MYO1H: variants seen among roughly 807,000 people sequenced by gnomAD.
MYO1H encodes myosin IH, also known as unconventional myosin-Ih.
In MYO1H, 118 loss-of-function variants were observed where a neutral mutation model predicts 149.3. That is an observed-to-expected ratio of 0.79 (90% CI 0.68 to 0.92). The LOEUF (loss-of-function observed/expected upper bound fraction) is 0.92. Ranked by LOEUF, MYO1H falls within the 40% of genes least tolerant of loss-of-function variation. The pLI is 0.00. For missense variants in MYO1H, 1,212 were observed against 1,280.7 expected (o/e 0.95, Z 0.82); for synonymous variants, 447 against 465.2 (o/e 0.96, Z 0.50).
At chr12:109,389,598 T>G (rs1251748836) in intron 2 of MYO1H, among the ~76,000 whole-genome samples, 1 of 152,198 alleles carries the variant, frequency 6.6e-6, no homozygotes, top group Admixed American at 6.5e-5. Flanking sequence ...CAGATTGATC[T>G]TGTCACATCT....
intron 24 of MYO1H, 68 bp downstream of exon 24, chr12:109,439,858 T>C (rs1256350506): frequency 3.5e-6 from 5 of 1,424,908 alleles, no homozygotes; most frequent in Non-Finnish European, 3.9e-6. Flanking sequence ...AACTCTTGCA[T>C]GTCTTTGTGC....
upstream of MYO1H, among the ~76,000 whole-genome samples, chr12:109,344,763 G>A (rs112067500): frequency 2.6e-5 from 4 of 152,118 alleles, no homozygotes; most frequent in South Asian, 2.1e-4. Context: ...TGTGAGGTAC[G>A]GCCATAAAGA....
intron 13 of MYO1H, among the ~76,000 whole-genome samples, chr12:109,411,052 G>C (rs1022766772): frequency 6.6e-6 from 1 of 152,174 alleles, no homozygotes; most frequent in African/African-American, 2.4e-5. Context: ...TGAAACAGGA[G>C]AATTGCTTGA....
chr12:109,372,439 GT>G (rs1445183799), intron 1 of MYO1H, among the ~76,000 whole-genome samples: 1 of 151,940 alleles, frequency 6.6e-6, no homozygotes, highest in Non-Finnish European at 1.5e-5. Flanking sequence ...ATTTCTCTGA[GT>G]TTTTACAATT....
the MYO1H span, among the ~76,000 whole-genome samples, chr12:109,331,304 T>C: frequency 6.6e-6 from 1 of 152,264 alleles, no homozygotes; most frequent in African/African-American, 2.4e-5. Context: ...CAACACATTC[T>C]GTTTTTAATT....
At chr12:109,441,481 G>T in intron 25 of MYO1H, 134 bp from the exon 26 acceptor site, 1 of 550,754 alleles carries the variant, frequency 1.8e-6, no homozygotes, top group Non-Finnish European at 3.2e-6. Flanking sequence ...AAGGTGTTCT[G>T]ACTTGTATGC....
At chr12:109,423,988 G>T (rs957508444) in intron 16 of MYO1H, among the ~76,000 whole-genome samples, 3 of 152,132 alleles carry the variant, frequency 2.0e-5, no homozygotes, top group African/African-American at 7.2e-5. Context: ...CAAGTCTCTC[G>T]CCCGAGAGTC....
At chr12:109,373,045 A>G (rs925052038) in intron 1 of MYO1H, among the ~76,000 whole-genome samples, 1 of 152,086 alleles carries the variant, frequency 6.6e-6, no homozygotes, top group African/African-American at 2.4e-5. Flanking sequence ...ACCATTGCAT[A>G]TTCTAACTAA....
chr12:109,395,483 C>A (rs1869849905), intron 3 of MYO1H, among the ~76,000 whole-genome samples: 1 of 152,064 alleles, frequency 6.6e-6, no homozygotes, highest in Non-Finnish European at 1.5e-5. Flanking sequence ...CACCTGTAAT[C>A]CCAGCACTTT....
intron 17 of MYO1H, 114 bp downstream of exon 17, chr12:109,424,942 C>T (rs1871302957): frequency 1.3e-6 from 1 of 758,922 alleles, no homozygotes; most frequent in Non-Finnish European, 2.3e-6. Flanking sequence ...TACTCTCTAA[C>T]AGATTCTACT....
chr12:109,390,707 C>G (rs1869611238), intron 2 of MYO1H, among the ~76,000 whole-genome samples: 1 of 151,812 alleles, frequency 6.6e-6, no homozygotes, highest in Non-Finnish European at 1.5e-5. Flanking sequence ...CTCTGTCGCC[C>G]AGGCTGGGGT....
At chr12:109,418,916 G>GT (rs11315946) in intron 15 of MYO1H, among the ~76,000 whole-genome samples, 12 of 151,886 alleles carry the variant, frequency 7.9e-5, no homozygotes, top group South Asian at 2.1e-4. Context: ...AGGTATTAGG[G>GT]TTTTTTTTCT....
In MYO1H at chr12:109,415,761, C is replaced by T. The variant is rs1411401182; in HGVS notation, c.1597+141C>T. 1.0e-5 allele frequency: 5 copies of T among 491,120 alleles called. No homozygotes were observed. The East Asian group carries it at 1.6e-4, about 15-fold the overall frequency. 30.4% of individuals were successfully genotyped at this position (491,120 alleles called of 1,614,324 possible). ...TCGCGTTCAAGCCATTTGAAAAAGT[C>T]TTTCTAATTGTATTTATTATTTTTG... On this transcript the variant is annotated intron_variant, in intron 15 of 31. Transcript: ENST00000310903.
At chr12:109,446,206 G>A (rs1872472862) in intron 31 of MYO1H, 3 of 985,312 alleles carry the variant, frequency 3.0e-6, no homozygotes, top group Middle Eastern at 5.2e-4. Context: ...TTAGGGAGAA[G>A]TCTAGCCTGA....
intron 1 of MYO1H, among the ~76,000 whole-genome samples, chr12:109,379,765 ACT>A (rs1472562669): frequency 1.7e-5 from 2 of 119,860 alleles, no homozygotes; most frequent in Non-Finnish European, 1.6e-5. Flanking sequence ...ATGGAGTCTC[ACT>A]CTGTCACCAG....
At chr12:109,317,471 C>A in the MYO1H span, among the ~76,000 whole-genome samples, 1 of 152,198 alleles carries the variant, frequency 6.6e-6, no homozygotes, top group Non-Finnish European at 1.5e-5. Context: ...TGAGAAATAA[C>A]TTTGCAGTCA....
the MYO1H span, among the ~76,000 whole-genome samples, chr12:109,339,929 A>G: frequency 6.6e-6 from 1 of 152,224 alleles, no homozygotes. Context: ...AATAAATGTC[A>G]TGTAAACCTC....
chr12:109,340,025 TAG>T, the MYO1H span, among the ~76,000 whole-genome samples: 6 of 152,180 alleles, frequency 3.9e-5, no homozygotes, highest in Admixed American at 6.5e-5. Flanking sequence ...GCATTGTTTA[TAG>T]TATTAATAGC....
chr12:109,328,529 GAC>G, the MYO1H span, among the ~76,000 whole-genome samples: 2 of 152,144 alleles, frequency 1.3e-5, no homozygotes, highest in Admixed American at 1.3e-4. Flanking sequence ...AGACAACTGA[GAC>G]ACTGTGCAGT....
Sources: gnomAD v4.1 joint callset for allele counts (sites outside exome capture counted in the v4.1 genomes callset) on GRCh38, gnomAD v4.1.1 for gene constraint, MANE v1.5 for transcripts, NCBI Gene and HGNC (gene_info 2026-07-23, HGNC 2026-07-21) for gene names.